The following ANK2 variants were observed in gnomAD, a reference collection of about 807,000 sequenced individuals.
ANK2 encodes the protein ankyrin 2, also known as ankyrin-2.
In ANK2, 83 loss-of-function variants were observed where a neutral mutation model predicts 360.5. That is an observed-to-expected ratio of 0.23 (90% CI 0.19 to 0.28). ANK2 has a LOEUF of 0.28. Among genes scored for constraint, ANK2 ranks in the 10% least tolerant of loss-of-function variants. The pLI, the probability that ANK2 is intolerant of heterozygous loss-of-function variation, is 1.00. For missense variants in ANK2, 4,201 were observed against 4,795.7 expected (o/e 0.88, Z 3.66); for synonymous variants, 1,740 against 1,759.5 (o/e 0.99, Z 0.28).
chr4:113,226,332 A>G (rs2099221423), intron 4 of ANK2, among the ~76,000 whole-genome samples: 1 of 152,194 alleles, frequency 6.6e-6, no homozygotes, highest in Non-Finnish European at 1.5e-5. Context: ...CTGCCTATCT[A>G]AGCTGCTTCT....
At chr4:113,028,139 A>G (rs141721247) in intron 2 of ANK2, among the ~76,000 whole-genome samples, 35 of 152,066 alleles carry the variant, frequency 2.3e-4, no homozygotes, top group Middle Eastern at 3.4e-3. Context: ...CTAGTAGGGG[A>G]TGTGAGCAAT....
chr4:113,345,862 C>T, intron 34 of ANK2, 38 bp from the exon 35 acceptor site: 2 of 1,611,702 alleles, frequency 1.2e-6, no homozygotes, highest in Non-Finnish European at 1.7e-6. Context: ...TACTGCAAAT[C>T]AAATGTGGGT....
chr4:112,918,258 T>C (rs2090483898), intron 2 of ANK2, among the ~76,000 whole-genome samples: 1 of 151,988 alleles, frequency 6.6e-6, no homozygotes, highest in Non-Finnish European at 1.5e-5. Flanking sequence ...GCTCCTGAGG[T>C]GATGGTTGAA....
intron 1 of ANK2, among the ~76,000 whole-genome samples, chr4:112,875,306 C>T (rs2074695130): frequency 6.6e-6 from 1 of 152,094 alleles, no homozygotes; most frequent in Non-Finnish European, 1.5e-5. Context: ...GCTTGCACCA[C>T]TGCGCTCCGC....
intron 15 of ANK2, among the ~76,000 whole-genome samples, chr4:113,275,238 G>A (rs142749626): frequency 3.0e-3 from 464 of 152,280 alleles, no homozygotes; most frequent in African/African-American, 0.011. Context: ...TATTGACATC[G>A]AGCAAAGAAT....
the ANK2 span, chr4:112,738,856 G>A: frequency 3.1e-6 from 2 of 649,204 alleles, no homozygotes; most frequent in Non-Finnish European, 5.7e-6. Flanking sequence ...GGTTATGGGA[G>A]CAACAACAAC....
chr4:112,863,077 A>G (rs2068687312), intron 1 of ANK2, among the ~76,000 whole-genome samples: 1 of 152,232 alleles, frequency 6.6e-6, no homozygotes, highest in Admixed American at 6.5e-5. Context: ...GTTTCTGTGT[A>G]GAACAAAGGA....
intron 2 of ANK2, among the ~76,000 whole-genome samples, chr4:113,019,544 A>G (rs527971131): frequency 6.6e-6 from 1 of 152,330 alleles, no homozygotes; most frequent in East Asian, 1.9e-4. Flanking sequence ...GTTTTTAGAT[A>G]TTTTTGAAAG....
intron 1 of ANK2, among the ~76,000 whole-genome samples, chr4:113,156,481 G>C (rs182469850): frequency 2.0e-5 from 3 of 150,514 alleles, no homozygotes; most frequent in Non-Finnish European, 1.5e-5. Context: ...AGTGATTCTC[G>C]TGCCTCAGCC....
chr4:112,972,553 C>T (rs1175348784), intron 2 of ANK2, among the ~76,000 whole-genome samples: 3 of 152,028 alleles, frequency 2.0e-5, no homozygotes, highest in Non-Finnish European at 4.4e-5. Flanking sequence ...TGTTAAGCTG[C>T]GGGAGGGCCT....
chr4:112,872,560 C>T (rs565375564), intron 1 of ANK2, among the ~76,000 whole-genome samples: 1 of 152,182 alleles, frequency 6.6e-6, no homozygotes, highest in African/African-American at 2.4e-5. Flanking sequence ...TGGTCTCGAA[C>T]CCCCAACCTC....
rs977907921 is a variant in ANK2, at chr4:113,381,648, C to G, written c.*177C>G. The stretch of plus-strand genomic sequence containing the variant: ...AAGCAAGAGGCCAAGTGAGGGGCTG[C>G]CCAGTTCTCACACCAGAAACCACAC... On this transcript the variant is annotated 3_prime_UTR_variant, in exon 46 of 46. Transcript: ENST00000357077. The G allele has an allele frequency of 1.6e-5, 24 of 1,544,378 alleles. No homozygotes were observed. Among genetic ancestry groups the G allele is most frequent in the Non-Finnish European group, 2.1e-5 (24 of 1,146,688 alleles).
intron 2 of ANK2, among the ~76,000 whole-genome samples, chr4:112,929,348 C>T (rs1310683479): frequency 6.6e-6 from 1 of 152,210 alleles, no homozygotes; most frequent in African/African-American, 2.4e-5. Context: ...AAATGATTGA[C>T]ATCTTATTAA....
intron 2 of ANK2, among the ~76,000 whole-genome samples, chr4:112,933,455 T>C (rs1284943221): frequency 6.6e-6 from 1 of 152,008 alleles, no homozygotes; most frequent in Non-Finnish European, 1.5e-5. Flanking sequence ...AGTTTTAAAA[T>C]TGAAGAAAAA....
chr4:113,355,317 T>C lies in ANK2; in HGVS notation c.6699T>C (p.His2233=). ...TTAGTTCAGAAGAAAGCTATAAGCA[T>C]GAAGGCCTAGCAGAGACCCCTGAGA... ...PQISSEESYK[H]EGLAETPETS... is the part of the protein sequence containing the mutation. The change falls in exon 38 of 46, where the codon CAT becomes CAC. Residue 2233 remains histidine, a synonymous_variant. Transcript: ENST00000357077. The C allele has an allele frequency of 6.2e-7, 1 of 1,613,968 alleles. No homozygotes were observed.
At chr4:112,943,573 G>C (rs2094374067) in intron 2 of ANK2, among the ~76,000 whole-genome samples, 1 of 151,926 alleles carries the variant, frequency 6.6e-6, no homozygotes, top group Non-Finnish European at 1.5e-5. Context: ...CTCAATTTCT[G>C]TATGGTTCTG....
chr4:113,202,195 G>A (rs907789687), intron 4 of ANK2, among the ~76,000 whole-genome samples: 14 of 152,062 alleles, frequency 9.2e-5, no homozygotes, highest in Non-Finnish European at 5.9e-5. Context: ...AAATACATGA[G>A]GGTTGATTAT....
At chr4:113,042,143 G>T (rs142807898) in intron 2 of ANK2, among the ~76,000 whole-genome samples, 2 of 152,118 alleles carry the variant, frequency 1.3e-5, no homozygotes, top group Admixed American at 1.3e-4. Context: ...CATTGAAGGC[G>T]CAGATAGAAC....
At chr4:113,143,904 A>G (rs1406002455) in intron 1 of ANK2, among the ~76,000 whole-genome samples, 1 of 152,240 alleles carries the variant, frequency 6.6e-6, no homozygotes, top group Non-Finnish European at 1.5e-5. Flanking sequence ...TCGTTAGTCT[A>G]TATAAAATTA....
Sources: gnomAD v4.1 joint callset for allele counts (sites outside exome capture counted in the v4.1 genomes callset) on GRCh38, gnomAD v4.1.1 for gene constraint, MANE v1.5 for transcripts, NCBI Gene and HGNC (gene_info 2026-07-23, HGNC 2026-07-21) for gene names.